The following DMD variants were observed in gnomAD, a reference collection of about 807,000 sequenced individuals.
The protein encoded by DMD is mutant dystrophin.
DMD carries 63 observed loss-of-function variants against 330.1 expected under a neutral mutation model. The ratio of observed to expected loss-of-function variants is 0.19; its 90% CI spans 0.16 to 0.24. DMD has a LOEUF of 0.24. Ranked by LOEUF, DMD falls within the 10% of genes least tolerant of loss-of-function variation. The pLI is 1.00. For synonymous variants in DMD, 1,223 were observed against 959.8 expected (o/e 1.27, Z -5.07); for missense variants, 3,344 against 2,684.1 (o/e 1.25, Z -5.43).
intron 62 of DMD, chrX:31,266,898 C>T (rs2051194681): frequency 3.4e-6 from 4 of 1,186,398 alleles, no homozygotes; most frequent in Middle Eastern, 2.4e-4. Flanking sequence ...CCGCCGGGCT[C>T]CCCGAAAGTG....
intron 55 of DMD, among the ~76,000 whole-genome samples, chrX:31,560,053 A>G (rs1249494335): frequency 1.8e-5 from 2 of 111,916 alleles, no homozygotes; most frequent in South Asian, 3.7e-4. Context: ...GAAACACTTC[A>G]TAAGTGTTGT....
intron 44 of DMD, among the ~76,000 whole-genome samples, chrX:32,208,398 T>A (rs2097079911): frequency 8.9e-6 from 1 of 111,907 alleles, no homozygotes; most frequent in South Asian, 3.8e-4. Context: ...GACTCAACCT[T>A]CTTTACAAAA....
At chrX:32,379,627 T>C (rs1025370372) in intron 34 of DMD, among the ~76,000 whole-genome samples, 2 of 111,892 alleles carry the variant, frequency 1.8e-5, no homozygotes, top group African/African-American at 6.5e-5. Flanking sequence ...ATATTACTAC[T>C]TGTTCTCTGA....
chrX:32,214,751 T>G (rs1263219672), intron 44 of DMD, among the ~76,000 whole-genome samples: 1 of 111,928 alleles, frequency 8.9e-6, no homozygotes, highest in Non-Finnish European at 1.9e-5. Flanking sequence ...GAATTAACTG[T>G]GTTCCAGAAC....
At chrX:32,994,979 G>C (rs1286833812) in intron 2 of DMD, among the ~76,000 whole-genome samples, 1 of 111,652 alleles carries the variant, frequency 9.0e-6, no homozygotes, top group Admixed American at 9.6e-5. Flanking sequence ...TGAGCATGGT[G>C]GGGGACACCT....
chrX:32,883,946 G>A (rs1339323690), intron 2 of DMD, among the ~76,000 whole-genome samples: 1 of 105,514 alleles, frequency 9.5e-6, no homozygotes, highest in South Asian at 4.3e-4. Context: ...ATGTTCTATA[G>A]AGGCACTTGA....
intron 47 of DMD, among the ~76,000 whole-genome samples, chrX:31,908,591 T>A (rs979788166): frequency 2.3e-4 from 25 of 109,268 alleles, no homozygotes; most frequent in Non-Finnish European, 3.8e-4. Context: ...TGGGGAGGGA[T>A]AGCATTAGGA....
At chrX:32,327,533 T>C (rs1024389711) in intron 41 of DMD, among the ~76,000 whole-genome samples, 2 of 111,613 alleles carry the variant, frequency 1.8e-5, no homozygotes, top group African/African-American at 3.2e-5. Flanking sequence ...AATATGGTAA[T>C]AGTCACTGAA....
At chrX:33,114,353 G>A (rs974447464) in intron 1 of DMD, among the ~76,000 whole-genome samples, 15 of 110,079 alleles carry the variant, frequency 1.4e-4, no homozygotes, top group Admixed American at 1.3e-3. Context: ...CAGGTGATCC[G>A]CCTGCCTCAG....
chrX:33,311,176 C>T (rs2053842690), intron 1 of DMD, among the ~76,000 whole-genome samples: 1 of 109,570 alleles, frequency 9.1e-6, no homozygotes, highest in Non-Finnish European at 1.9e-5. Context: ...TATAGATACA[C>T]ATATGTATGC....
intron 41 of DMD, among the ~76,000 whole-genome samples, chrX:32,329,377 C>A (rs2097667652): frequency 9.0e-6 from 1 of 111,608 alleles, no homozygotes; most frequent in Non-Finnish European, 1.9e-5. Flanking sequence ...AGGAAATATC[C>A]AGAAATAGAG....
In DMD at chrX:32,362,929, G is replaced by C. The variant is rs1424832703; in HGVS notation, c.5184C>G (p.Arg1728=). 2 of 1,211,009 alleles carry C rather than the reference G, an allele frequency of 1.7e-6. No homozygotes were observed. The highest frequency in any genetic ancestry group is 2.2e-5 in the Admixed American group (1 of 45,936). ...KRLKAELNDI[R]PKVDSTRDQA... ...GGTCACGTGTAGAGTCCACCTTTGGGCGTATGTCATTCAGTTCTGCCTTTA... is the reference window on the plus strand; with the variant it reads ...GGTCACGTGTAGAGTCCACCTTTGGCCGTATGTCATTCAGTTCTGCCTTTA... The change falls in exon 37 of 79, where the codon CGC becomes CGG. Residue 1728 remains arginine, a synonymous_variant. Transcript: ENST00000357033.
intron 41 of DMD, among the ~76,000 whole-genome samples, chrX:32,318,216 G>C (rs1270531150): frequency 1.8e-5 from 2 of 111,134 alleles, no homozygotes; most frequent in Non-Finnish European, 3.8e-5. Flanking sequence ...ACAAAGTTGA[G>C]AGATTTTTTA....
rs932908466 is a variant in DMD at position 32,868,343 on chromosome X, G to A, written c.94-18523C>T. ...CCTTAAGACTGCTCAGTTTCCGGGG[G>A]CGGGGGCGGCCATCATCACTGCAGC... On this transcript the variant is annotated intron_variant, in intron 2 of 78. Transcript: ENST00000357033. 4.5e-5 allele frequency among the ~76,000 whole-genome samples: 5 copies of A among 111,592 alleles called. 1 individual carries two copies. Among genetic ancestry groups the A allele is most frequent in the Middle Eastern group, 4.6e-3 (1 of 218 alleles).
intron 21 of DMD, among the ~76,000 whole-genome samples, chrX:32,472,937 T>C (rs1375351190): frequency 9.0e-6 from 1 of 110,853 alleles, no homozygotes; most frequent in Non-Finnish European, 1.9e-5. Flanking sequence ...AAACAGGCTA[T>C]TAAAGAGGCA....
intron 1 of DMD, among the ~76,000 whole-genome samples, chrX:33,129,325 C>CTTTTTTTTTTTTTT (rs58505662): frequency 2.6e-4 from 8 of 30,720 alleles, no homozygotes; most frequent in Admixed American, 6.5e-4. Context: ...TTAAGGTTTG[C>CTTTTTTTTTTTTTT]TTTTTTTTTT....
In DMD at chrX:32,522,300, T is replaced by C. The variant is rs767197013; in HGVS notation, c.2169-4169A>G. On this transcript the variant is annotated intron_variant, in intron 17 of 78. Transcript: ENST00000357033. ...CCGCAATAGCTTTTCACTTGGCCTC[T>C]GGGCAGTATTTATGGAACTCTCTCT... is the stretch of plus-strand genomic sequence containing the variant. 2.2e-4 allele frequency among the ~76,000 whole-genome samples: 25 copies of C among 112,117 alleles called. No homozygotes were observed. The South Asian group carries it at 3.0e-3, about 13-fold the overall frequency.
At chrX:33,039,664 C>A (rs1443285882) in intron 1 of DMD, among the ~76,000 whole-genome samples, 1 of 110,911 alleles carries the variant, frequency 9.0e-6, no homozygotes, top group Non-Finnish European at 1.9e-5. Flanking sequence ...TCTACTACGG[C>A]CTTTCTCTAA....
intron 44 of DMD, among the ~76,000 whole-genome samples, chrX:31,984,944 A>T (rs764431045): frequency 1.8e-5 from 2 of 112,143 alleles, no homozygotes; most frequent in South Asian, 7.4e-4. Flanking sequence ...GTAACAGGTC[A>T]TACTGAAACA....
Sources: gnomAD v4.1 joint callset for allele counts (sites outside exome capture counted in the v4.1 genomes callset) on GRCh38, gnomAD v4.1.1 for gene constraint, MANE v1.5 for transcripts, NCBI Gene and HGNC (gene_info 2026-07-23, HGNC 2026-07-21) for gene names.